The following ACO1 variants were observed in gnomAD, a reference collection of about 807,000 sequenced individuals.
The protein encoded by ACO1 is cytoplasmic aconitate hydratase.
In ACO1, 78 loss-of-function variants were observed where a neutral mutation model predicts 105.1. That is an observed-to-expected ratio of 0.74 (90% CI 0.62 to 0.90). ACO1 has a LOEUF of 0.90. Among genes scored for constraint, ACO1 ranks in the 40% least tolerant of loss-of-function variants. The pLI, the probability that ACO1 is intolerant of heterozygous loss-of-function variation, is 0.00. For missense variants in ACO1, 965 were observed against 1,111.1 expected, an observed-to-expected ratio of 0.87 and a Z score of 1.87; for synonymous variants, 364 against 397.4, an observed-to-expected ratio of 0.92 and a Z score of 1.00.
At chr9:32,396,935 GA>G (rs1821385104) in intron 1 of ACO1, among the ~76,000 whole-genome samples, 1 of 151,750 alleles carries the variant, frequency 6.6e-6, no homozygotes, top group Non-Finnish European at 1.5e-5. Context: ...CTGAGGCACA[GA>G]AAAGTTATAT....
chr9:32,450,033 G>A lies in ACO1; in HGVS notation c.2592G>A (p.Arg864=), dbSNP rs768771409. Residue 864 remains arginine, a synonymous_variant, in exon 21 of 21, where the codon AGG becomes AGA. Transcript: ENST00000309951. ...DTGKTFQAVM[R]FDTDVELTYF... ...GCAAGACCTTCCAGGCTGTCATGAG[G>A]TTTGACACTGATGTGGAGCTCACTT... 55 of 1,613,984 alleles carry A rather than the reference G, an allele frequency of 3.4e-5. No homozygotes were observed. The highest frequency in any genetic ancestry group is 4.6e-5 in the Non-Finnish European group (54 of 1,180,010).
chr9:32,424,156 G>A (rs1587539033), intron 9 of ACO1, among the ~76,000 whole-genome samples: 1 of 152,256 alleles, frequency 6.6e-6, no homozygotes, highest in Non-Finnish European at 1.5e-5. Context: ...GCATCCCTCC[G>A]AAATCACCTT....
At position 32,439,664 on chromosome 9, in the gene ACO1, A is replaced by G. The variant is rs1433464598; in HGVS notation, c.2248-801A>G. Among the ~76,000 whole-genome samples the G allele has an allele frequency of 6.6e-6, 1 of 152,240 alleles. No homozygotes were observed. Among genetic ancestry groups the G allele is most frequent in the East Asian group, 1.9e-4 (1 of 5,202 alleles). Reference sequence around the variant, plus strand: ...TTATTGGGCTTCCATTTGCATTTCTAGCATCTCTTCCCTTGACCTCCATGA... The same window carrying G: ...TTATTGGGCTTCCATTTGCATTTCTGGCATCTCTTCCCTTGACCTCCATGA... On this transcript the variant is annotated intron_variant, in intron 18 of 20. Coordinates refer to ENST00000309951, the MANE Select transcript of ACO1 (RefSeq NM_002197.3). The surrounding 1 kb of genome is among the most constrained non-coding windows in gnomAD (Gnocchi z 4.0).
At chr9:32,425,403 T>C (rs149610611) in intron 10 of ACO1, among the ~76,000 whole-genome samples, 158 of 152,376 alleles carry the variant, frequency 1.0e-3, no homozygotes, top group African/African-American at 3.6e-3. Flanking sequence ...TAATTGAGTC[T>C]GGTCAAAATA....
chr9:32,436,276 A>G lies in ACO1; in HGVS notation c.2126A>G (p.Tyr709Cys), dbSNP rs759325876. 4.3e-6 allele frequency: 7 copies of G among 1,614,108 alleles called. No homozygotes were observed. Among genetic ancestry groups the G allele is most frequent in the African/African-American group, 1.3e-5 (1 of 75,024 alleles). Residue 709 changes from tyrosine to cysteine, a missense_variant, in exon 18 of 21, where the codon TAT (tyrosine) becomes TGT (cysteine). Tyr to Cys is a radical substitution (Grantham distance 194). Transcript: ENST00000309951. ...CTAACTCCACGAGAATTCAACTCCT[A>G]TGGCTCCCGCCGAGGTAATGACGCC... ...RGLTPREFNSYGSRRGNDAVM... is the reference protein window; with the variant it reads ...RGLTPREFNSCGSRRGNDAVM...
chr9:32,444,140 G>A (rs956173082), intron 19 of ACO1, among the ~76,000 whole-genome samples: 3 of 152,174 alleles, frequency 2.0e-5, no homozygotes, highest in African/African-American at 7.2e-5. Context: ...TCCCTGCAAA[G>A]GACATGAACT....
chr9:32,396,558 GAGGT>G (rs1821376885), intron 1 of ACO1, among the ~76,000 whole-genome samples: 1 of 151,852 alleles, frequency 6.6e-6, no homozygotes, highest in South Asian at 2.1e-4. Flanking sequence ...CTTTGCACGT[GAGGT>G]TACCCCTCCC....
chr9:32,417,553 T>C (rs1436612491), intron 4 of ACO1, among the ~76,000 whole-genome samples: 1 of 152,206 alleles, frequency 6.6e-6, no homozygotes, highest in East Asian at 1.9e-4. Flanking sequence ...TGAATGACGT[T>C]GAGTAAATCT....
Position 32,430,529 on chromosome 9 carries a change from G to A in ACO1, c.1681G>A (p.Ala561Thr), listed in dbSNP as rs1312704297. 2.5e-6 allele frequency: 4 copies of A among 1,609,364 alleles called. No individual in the cohort carries two copies. In the South Asian group the frequency reaches 3.3e-5, roughly 13 times the overall value. ...LASPPLVIAY[A>T]IAGTIRIDFE... ...CTCTCCCCCCTTAGTAATAGCATAT[G>A]CAATTGCTGGAACCATCAGAATCGA... Residue 561 changes from alanine to threonine, a missense_variant, in exon 14 of 21, where the codon GCA becomes ACA. Transcript: ENST00000309951.
chr9:32,440,153 G>C (rs1167181381), intron 18 of ACO1, among the ~76,000 whole-genome samples: 1 of 152,042 alleles, frequency 6.6e-6, no homozygotes, highest in Non-Finnish European at 1.5e-5. Context: ...TGTAATCCCA[G>C]CTACTTGGGA....
chr9:32,413,513 G>A (rs1186737317), intron 4 of ACO1, among the ~76,000 whole-genome samples: 1 of 151,426 alleles, frequency 6.6e-6, no homozygotes, highest in East Asian at 1.9e-4. Flanking sequence ...TCTTTTAGAA[G>A]TGTTTTTATT....
At chr9:32,431,042 T>C (rs573160782) in intron 14 of ACO1, among the ~76,000 whole-genome samples, 1 of 152,374 alleles carries the variant, frequency 6.6e-6, no homozygotes, top group East Asian at 1.9e-4. Flanking sequence ...AAATTTACTT[T>C]TAGGAAATCA....
intron 20 of ACO1, 90 bp downstream of exon 20, chr9:32,449,171 GA>G: frequency 7.6e-7 from 1 of 1,319,116 alleles, no homozygotes; most frequent in Non-Finnish European, 1.0e-6. Flanking sequence ...GTGAGGTTTA[GA>G]AGGCAAAAAA....
At chr9:32,405,200 C>T (rs931666032) in intron 1 of ACO1, among the ~76,000 whole-genome samples, 6 of 152,234 alleles carry the variant, frequency 3.9e-5, no homozygotes, top group African/African-American at 1.4e-4. Context: ...GTGGCGTGTC[C>T]TGTCGCCTCC....
At chr9:32,421,076 A>G in intron 8 of ACO1, 49 bp downstream of exon 8, 1 of 1,582,362 alleles carries the variant, frequency 6.3e-7, no homozygotes, top group Non-Finnish European at 8.7e-7. Flanking sequence ...AAGTTCCATG[A>G]AACACCAAGA....
Position 32,439,090 on chromosome 9 carries a change from C to A in ACO1, c.2248-1375C>A, listed in dbSNP as rs1208405114. On this transcript the variant is annotated intron_variant, in intron 18 of 20. Transcript: ENST00000309951. The surrounding 1 kb of genome is among the most constrained non-coding windows in gnomAD (Gnocchi z 4.0). ...ATAGAAAAGTCAGGAGACGTGAGTT[C>A]TAGACCTGCTTAGTCCCTCTGATCT... Among the ~76,000 whole-genome samples, 1 of 152,320 alleles carries A rather than the reference C, an allele frequency of 6.6e-6. No homozygotes were observed. Among genetic ancestry groups the A allele is most frequent in the East Asian group, 1.9e-4 (1 of 5,188 alleles).
At chr9:32,390,912 C>A (rs1260265341) in intron 1 of ACO1, among the ~76,000 whole-genome samples, 1 of 152,184 alleles carries the variant, frequency 6.6e-6, no homozygotes, top group Non-Finnish European at 1.5e-5. Context: ...TCACCTCCCC[C>A]CACCAGGCGA....
chr9:32,415,781 C>T (rs1157589795), intron 4 of ACO1, among the ~76,000 whole-genome samples: 1 of 152,192 alleles, frequency 6.6e-6, no homozygotes, highest in Non-Finnish European at 1.5e-5. Context: ...CACTCATTCA[C>T]TCAGGCAGGG....
At chr9:32,409,169 G>A (rs1306716464) in intron 4 of ACO1, among the ~76,000 whole-genome samples, 1 of 152,140 alleles carries the variant, frequency 6.6e-6, no homozygotes, top group African/African-American at 2.4e-5. Flanking sequence ...TTCAAGGCCA[G>A]CTTAAATCTT....
Sources: allele counts gnomAD v4.1 joint callset (sites outside exome capture counted in the v4.1 genomes callset), GRCh38; gene constraint gnomAD v4.1.1; non-coding constraint Gnocchi (gnomAD v3.1); transcripts MANE v1.5; gene names NCBI Gene and HGNC (gene_info 2026-07-23, HGNC 2026-07-21).